STK4: variants seen among roughly 807,000 people sequenced by gnomAD.
STK4 encodes serine/threonine kinase 4.
In STK4, 30 loss-of-function variants were observed where a neutral mutation model predicts 64.9. That is an observed-to-expected ratio of 0.46 (90% CI 0.35 to 0.63). The LOEUF (loss-of-function observed/expected upper bound fraction) is 0.63, where lower values mean the gene tolerates loss of function less well. STK4 is among the 20% of genes least tolerant of loss of function. STK4 has a pLI of 0.01. For missense variants in STK4, 466 were observed against 598.5 expected (o/e 0.78, Z 2.31); for synonymous variants, 177 against 199.0 (o/e 0.89, Z 0.93).
At chr20:45,013,442 A>G (rs889097134) in intron 9 of STK4, among the ~76,000 whole-genome samples, 7 of 152,166 alleles carry the variant, frequency 4.6e-5, no homozygotes, top group Admixed American at 4.6e-4. Context: ...ACATTTTCAT[A>G]TGTGGTATAT....
intron 2 of STK4, among the ~76,000 whole-genome samples, chr20:44,977,774 AGT>A (rs1403071294): frequency 6.6e-6 from 1 of 152,196 alleles, no homozygotes; most frequent in Non-Finnish European, 1.5e-5. Context: ...GGAAGCAAAG[AGT>A]GTGTGTGCTG....
chr20:45,067,340 G>C (rs1979665309), intron 10 of STK4, among the ~76,000 whole-genome samples: 1 of 152,164 alleles, frequency 6.6e-6, no homozygotes, highest in Admixed American at 6.5e-5. Flanking sequence ...GAGAAATCCT[G>C]TTTGTGACAC....
At chr20:45,007,217 A>G (rs1266478986) in intron 9 of STK4, among the ~76,000 whole-genome samples, 1 of 152,200 alleles carries the variant, frequency 6.6e-6, no homozygotes, top group East Asian at 1.9e-4. Context: ...TTGCTTGTTC[A>G]TGGTCACATG....
chr20:45,064,636 A>C (rs1003814274), intron 10 of STK4, among the ~76,000 whole-genome samples: 1 of 151,774 alleles, frequency 6.6e-6, no homozygotes, highest in African/African-American at 2.4e-5. Context: ...TTAAGTAGAG[A>C]TCTTTCACTT....
chr20:44,980,128 C>T (rs985249275), intron 3 of STK4, among the ~76,000 whole-genome samples: 49 of 152,108 alleles, frequency 3.2e-4, no homozygotes, highest in Non-Finnish European at 8.8e-5. Context: ...GAGAATCTAG[C>T]CAACAGTGCA....
intron 4 of STK4, 90 bp downstream of exon 4, chr20:44,982,033 A>G: frequency 2.5e-6 from 2 of 791,310 alleles, no homozygotes; most frequent in Admixed American, 4.7e-5. Flanking sequence ...CTCCTACTAG[A>G]GAGACGACTG....
chr20:45,028,183 A>G (rs188547217), intron 10 of STK4, among the ~76,000 whole-genome samples: 56 of 152,230 alleles, frequency 3.7e-4, no homozygotes, highest in Non-Finnish European at 5.6e-4. Context: ...AGGAACCTCT[A>G]TACTGTTTTT....
At chr20:44,980,692 G>A (rs2067421711) in intron 3 of STK4, among the ~76,000 whole-genome samples, 1 of 152,090 alleles carries the variant, frequency 6.6e-6, no homozygotes, top group African/African-American at 2.4e-5. Context: ...TTGAGACGGA[G>A]TCTCCTCACT....
In STK4 at chr20:44,969,622, G is replaced by A. The variant is rs547613001; in HGVS notation, c.36-2456G>A. On this transcript the variant is annotated intron_variant, in intron 1 of 10. Coordinates refer to ENST00000372806, the MANE Select transcript of STK4 (RefSeq NM_006282.5). ...AGTGGAAGGCGTAGAGTGCATTCCT[G>A]GGATGCTGGCCATCCACATGGCCAT... Among the ~76,000 whole-genome samples, 5 of 152,316 alleles carry A rather than the reference G, an allele frequency of 3.3e-5. No individual in the cohort carries two copies. In the South Asian group the frequency reaches 1.0e-3, roughly 32 times the overall value.
intron 10 of STK4, among the ~76,000 whole-genome samples, chr20:45,045,780 T>C (rs2068683979): frequency 6.9e-6 from 1 of 145,108 alleles, no homozygotes; most frequent in South Asian, 2.2e-4. Context: ...AATTTTGCTA[T>C]TGTCAGAAAG....
In STK4 at chr20:45,077,928, A is replaced by T. The variant is rs892276636; in HGVS notation, c.*2752A>T. 1.3e-5 allele frequency: 2 copies of T among 152,170 alleles called. No homozygotes were observed. The highest frequency in any genetic ancestry group is 2.9e-5 in the Non-Finnish European group (2 of 68,030). The allele number at this position is 152,170 out of a possible 1,614,324, so 9.4% of individuals were successfully genotyped here. A position where few individuals can be genotyped will look rare whatever the true frequency, so the allele number is the denominator to read the frequency against. ...TGATGAAGCCTTTTGGCCAGAAGTC[A>T]ATTTGTTTTGGATCAGAGAAATTTC... On this transcript the variant is annotated 3_prime_UTR_variant, in exon 11 of 11. Transcript: ENST00000372806.
At chr20:45,015,569 C>T (rs1029659231) in intron 9 of STK4, among the ~76,000 whole-genome samples, 4 of 152,194 alleles carry the variant, frequency 2.6e-5, no homozygotes, top group Non-Finnish European at 5.9e-5. Context: ...TCCAGTTATG[C>T]ACCCCAAAAC....
chr20:45,038,293 A>G (rs2068558453), intron 10 of STK4, among the ~76,000 whole-genome samples: 5 of 150,556 alleles, frequency 3.3e-5, no homozygotes, highest in South Asian at 2.1e-4. Flanking sequence ...TTTCATGTGT[A>G]TTTATAAAAT....
intron 10 of STK4, among the ~76,000 whole-genome samples, chr20:45,034,073 T>C (rs139055014): frequency 6.6e-5 from 10 of 152,080 alleles, no homozygotes; most frequent in African/African-American, 2.4e-4. Context: ...ATAATAAGAA[T>C]TATACAAAAT....
intron 10 of STK4, among the ~76,000 whole-genome samples, chr20:45,059,298 T>C (rs1978780504): frequency 1.3e-5 from 2 of 152,234 alleles, no homozygotes; most frequent in South Asian, 4.1e-4. Flanking sequence ...TAGTGTATGA[T>C]TTTTTGTTGT....
intron 9 of STK4, among the ~76,000 whole-genome samples, chr20:45,008,232 T>G (rs1262477720): frequency 7.9e-5 from 12 of 152,110 alleles, no homozygotes; most frequent in Non-Finnish European, 4.4e-5. Context: ...TTTTTGTATT[T>G]TTAGTAGAGA....
rs1369165737 is a variant in STK4, at chr20:44,966,547, C to T, written c.-22C>T. ...CGGGAGGATGGAGCAGTGAGCGGGTCTGGGCGGCTGCTGGCAGCGCCATGG... is the reference window on the plus strand; with the variant it reads ...CGGGAGGATGGAGCAGTGAGCGGGTTTGGGCGGCTGCTGGCAGCGCCATGG... On this transcript the variant is annotated 5_prime_UTR_variant, in exon 1 of 11. Coordinates refer to ENST00000372806, the MANE Select transcript of STK4 (RefSeq NM_006282.5). 6 of 1,265,414 alleles carry T rather than the reference C, an allele frequency of 4.7e-6. No individual in the cohort carries two copies. The South Asian group carries it at 9.6e-5, about 20-fold the overall frequency. The allele number at this position is 1,265,414 out of a possible 1,614,324, so 78.4% of individuals were successfully genotyped here. A position where few individuals can be genotyped will look rare whatever the true frequency, so the allele number is the denominator to read the frequency against.
At chr20:45,062,364 TTTGCTA>T (rs1363533170) in intron 10 of STK4, among the ~76,000 whole-genome samples, 9 of 152,244 alleles carry the variant, frequency 5.9e-5, no homozygotes, top group Admixed American at 5.9e-4. Context: ...ATGCCATGTC[TTTGCTA>T]TTGTGAATAG....
intron 10 of STK4, among the ~76,000 whole-genome samples, chr20:45,069,020 T>A (rs1979826503): frequency 6.6e-6 from 1 of 152,224 alleles, no homozygotes; most frequent in Non-Finnish European, 1.5e-5. Flanking sequence ...ATGTTGTTGC[T>A]TTTACTTATT....
Sources: gnomAD v4.1 joint callset for allele counts (sites outside exome capture counted in the v4.1 genomes callset) on GRCh38, gnomAD v4.1.1 for gene constraint, MANE v1.5 for transcripts, NCBI Gene and HGNC (gene_info 2026-07-23, HGNC 2026-07-21) for gene names.